The following TLN2 variants were observed in gnomAD, a reference collection of about 807,000 sequenced individuals.
TLN2 encodes the protein talin-2.
A neutral mutation model predicts 294.7 loss-of-function variants in TLN2; 118 were observed. The observed-to-expected ratio is 0.40, with a 90% CI of 0.34 to 0.47. The LOEUF (loss-of-function observed/expected upper bound fraction) is 0.47. Among genes scored for constraint, TLN2 ranks in the 20% least tolerant of loss-of-function variants. The pLI is 0.84. For synonymous variants in TLN2, 1,431 were observed against 1,304.5 expected, an observed-to-expected ratio of 1.10 and a Z score of -2.09; for missense variants, 3,083 against 3,282.2, an observed-to-expected ratio of 0.94 and a Z score of 1.48.
chr15:62,442,272 G>A lies in TLN2; in HGVS notation c.-238+51587G>A, dbSNP rs2035583910. Among the ~76,000 whole-genome samples the A allele has an allele frequency of 2.0e-5, 3 of 151,888 alleles. No individual in the cohort carries two copies. In the South Asian group the frequency reaches 6.2e-4, roughly 32 times the overall value. ...GCACTTGGGAAGGCCGAGGTGAGTGGATCACCTGAGGTCAGGGTTCCAGAC... is the reference window on the plus strand; with the variant it reads ...GCACTTGGGAAGGCCGAGGTGAGTGAATCACCTGAGGTCAGGGTTCCAGAC... On this transcript the variant is annotated intron_variant, in intron 1 of 58. Transcript: ENST00000636159.
intron 1 of TLN2, among the ~76,000 whole-genome samples, chr15:62,419,875 T>C (rs952671028): frequency 5.3e-5 from 8 of 152,158 alleles, no homozygotes; most frequent in Admixed American, 5.2e-4. Context: ...TCCTCCCACC[T>C]TGGCCTCCCA....
At chr15:62,631,503 T>G (rs2049827534) in intron 3 of TLN2, among the ~76,000 whole-genome samples, 1 of 140,320 alleles carries the variant, frequency 7.1e-6, no homozygotes, top group South Asian at 2.4e-4. Flanking sequence ...TTCTTCCTCT[T>G]TTCTTTCTTT....
intron 9 of TLN2, among the ~76,000 whole-genome samples, chr15:62,667,244 G>A (rs936798681): frequency 3.3e-5 from 5 of 152,190 alleles, no homozygotes; most frequent in Non-Finnish European, 2.9e-5. Flanking sequence ...GGGATTACAG[G>A]CGTGAGCCAC....
chr15:62,695,701 A>G (rs1262752618), intron 14 of TLN2, among the ~76,000 whole-genome samples: 1 of 152,196 alleles, frequency 6.6e-6, no homozygotes, highest in African/African-American at 2.4e-5. Flanking sequence ...CCCCACTAGT[A>G]CGCAAGTTGG....
intron 3 of TLN2, among the ~76,000 whole-genome samples, chr15:62,624,576 A>G (rs2049110576): frequency 6.6e-6 from 1 of 152,172 alleles, no homozygotes; most frequent in South Asian, 2.1e-4. Flanking sequence ...GAAAGAAAAT[A>G]TCACAGAAGA....
intron 3 of TLN2, among the ~76,000 whole-genome samples, chr15:62,624,252 G>A (rs927152982): frequency 6.6e-6 from 1 of 152,112 alleles, no homozygotes; most frequent in African/African-American, 2.4e-5. Flanking sequence ...TTTCATATTT[G>A]TACCAAGTTT....
At chr15:62,482,071 G>C (rs1166133999) in intron 1 of TLN2, among the ~76,000 whole-genome samples, 1 of 151,914 alleles carries the variant, frequency 6.6e-6, no homozygotes, top group Non-Finnish European at 1.5e-5. Flanking sequence ...TTCATTATAG[G>C]AGTGAGCCAC....
At chr15:62,727,602 G>A (rs1176528759) in intron 28 of TLN2, among the ~76,000 whole-genome samples, 1 of 152,226 alleles carries the variant, frequency 6.6e-6, no homozygotes, top group Non-Finnish European at 1.5e-5. Flanking sequence ...AGAAAGCTGA[G>A]GGGTAGGGGA....
chr15:62,701,903 G>T (rs1305381115), intron 17 of TLN2, 89 bp from the exon 18 acceptor site: 8 of 1,431,164 alleles, frequency 5.6e-6, no homozygotes, highest in Non-Finnish European at 6.7e-6. Flanking sequence ...AGGATGGTAG[G>T]TGAGGAACTC....
chr15:62,496,639 A>G (rs2039032796), intron 1 of TLN2, among the ~76,000 whole-genome samples: 1 of 152,252 alleles, frequency 6.6e-6, no homozygotes, highest in Admixed American at 6.5e-5. Context: ...TGGTATGATC[A>G]GTGCCTGATT....
intron 54 of TLN2, chr15:62,833,223 C>T: frequency 2.8e-6 from 1 of 362,326 alleles, no homozygotes; most frequent in Non-Finnish European, 5.0e-6. Flanking sequence ...AAAACTATTG[C>T]TGTGCCTGGC....
intron 1 of TLN2, among the ~76,000 whole-genome samples, chr15:62,422,289 A>G (rs2034455662): frequency 1.3e-5 from 2 of 151,576 alleles, no homozygotes; most frequent in Admixed American, 1.3e-4. Context: ...CCAGGCATCA[A>G]CCCTCATCAG....
At chr15:62,785,405 G>A (rs2141094536) in intron 45 of TLN2, among the ~76,000 whole-genome samples, 1 of 152,302 alleles carries the variant, frequency 6.6e-6, no homozygotes, top group African/African-American at 2.4e-5. Context: ...GATGGCTCAC[G>A]CCTATAAGCA....
At chr15:62,712,730 G>T (rs1312433749) in intron 22 of TLN2, among the ~76,000 whole-genome samples, 1 of 152,108 alleles carries the variant, frequency 6.6e-6, no homozygotes, top group Non-Finnish European at 1.5e-5. Flanking sequence ...GACTCAGTGT[G>T]TGTGTGTGTG....
chr15:62,740,652 T>C lies in TLN2; in HGVS notation c.3908T>C (p.Val1303Ala). 6.2e-7 allele frequency: 1 copy of C among 1,614,186 alleles called. No homozygotes were observed. Among genetic ancestry groups the C allele is most frequent in the Non-Finnish European group, 8.5e-7 (1 of 1,180,036 alleles). The change falls in exon 32 of 59, where the codon GTG (valine) becomes GCG (alanine). Residue 1303 changes from valine to alanine, a missense_variant. Transcript: ENST00000636159. The part of the protein sequence containing the change: ...QAQTKEDQIQ[V>A]IGNLKNISMA... ...CAGACAAAAGAAGACCAGATCCAAG[T>C]GATAGGGAACCTCAAGAATATCTCG...
At chr15:62,489,254 C>G (rs543564635) in intron 1 of TLN2, among the ~76,000 whole-genome samples, 1 of 152,294 alleles carries the variant, frequency 6.6e-6, no homozygotes, top group South Asian at 2.1e-4. Flanking sequence ...CTTTTCTTCA[C>G]TTTTTCTAAA....
chr15:62,703,723 C>T (rs539728923), intron 19 of TLN2, among the ~76,000 whole-genome samples: 121 of 152,154 alleles, frequency 8.0e-4, no homozygotes, highest in African/African-American at 2.8e-3. Flanking sequence ...AAACCACAAG[C>T]GTGGCAGGGA....
intron 7 of TLN2, among the ~76,000 whole-genome samples, chr15:62,654,215 A>G (rs2052932318): frequency 6.6e-6 from 1 of 152,198 alleles, no homozygotes; most frequent in Non-Finnish European, 1.5e-5. Context: ...AGCATTTCAT[A>G]CAGTCTGGAT....
intron 1 of TLN2, among the ~76,000 whole-genome samples, chr15:62,527,115 T>C (rs1232432765): frequency 1.3e-5 from 2 of 152,098 alleles, no homozygotes; most frequent in African/African-American, 4.8e-5. Flanking sequence ...CCTTCAGGGA[T>C]GGGTTGGATT....
Sources: gnomAD v4.1 joint callset for allele counts (sites outside exome capture counted in the v4.1 genomes callset) on GRCh38, gnomAD v4.1.1 for gene constraint, MANE v1.5 for transcripts, NCBI Gene and HGNC (gene_info 2026-07-23, HGNC 2026-07-21) for gene names.